Variants in TMEM74 observed in about 807,000 individuals in gnomAD.
The protein encoded by TMEM74 is transmembrane protein 74.
TMEM74 carries 13 observed loss-of-function variants against 18.1 expected under a neutral mutation model. The ratio of observed to expected loss-of-function variants is 0.72; its 90% CI spans 0.47 to 1.14. The LOEUF is 1.14. Among genes scored for constraint, TMEM74 ranks in the 50% most tolerant of loss-of-function variants. The probability of loss-of-function intolerance (pLI) is 0.00; values close to 1 mark genes in which losing one functional copy is unlikely to be tolerated. For missense variants in TMEM74, 372 were observed against 375.9 expected (o/e 0.99, Z 0.09); for synonymous variants, 159 against 146.6 (o/e 1.08, Z -0.61).
In TMEM74 at chr8:108,623,951, T is replaced by G. The variant is rs74640016; in HGVS notation, n.265-15125A>C. Among the ~76,000 whole-genome samples, 137 of 152,204 alleles carry G rather than the reference T, an allele frequency of 9.0e-4. 1 individual carries two copies. The East Asian group carries it at 0.024, about 27-fold the overall frequency. On this transcript the variant is annotated intron_variant and non_coding_transcript_variant, in intron 2 of 3. Coordinates refer to the TMEM74 transcript ENST00000518838. ...CTATAGTGGTGACTTTGAGAAACTGTGTCTAATCTTATTCTTATCTGAAAA... is the reference window on the plus strand; with the variant it reads ...CTATAGTGGTGACTTTGAGAAACTGGGTCTAATCTTATTCTTATCTGAAAA...
chr8:108,730,429 A>G (rs912693122), intron 1 of TMEM74, among the ~76,000 whole-genome samples: 3 of 152,248 alleles, frequency 2.0e-5, no homozygotes, highest in Non-Finnish European at 4.4e-5. Context: ...TCGTCGACAC[A>G]ATCAAGACAA....
chr8:108,700,213 C>G (rs759063593), intron 1 of TMEM74, among the ~76,000 whole-genome samples: 5 of 150,774 alleles, frequency 3.3e-5, no homozygotes, highest in Non-Finnish European at 5.9e-5. Context: ...ACTGGACAGT[C>G]CCTAAAGGAA....
intron 1 of TMEM74, among the ~76,000 whole-genome samples, chr8:108,723,823 G>T (rs13439703): frequency 0.03 from 4,525 of 152,254 alleles, 154 homozygotes; most frequent in African/African-American, 0.082. Flanking sequence ...GCAAGAAAAA[G>T]ATGATGTAGT....
intron 1 of TMEM74, among the ~76,000 whole-genome samples, chr8:108,707,740 T>G (rs1250237311): frequency 6.6e-6 from 1 of 152,136 alleles, no homozygotes; most frequent in East Asian, 1.9e-4. Context: ...TCTAAAAATC[T>G]TAGAAGGAAA....
At position 108,739,863 on chromosome 8, in the gene TMEM74, C is replaced by T. The variant is rs758078727; in HGVS notation, n.119+47613G>A. ...AGGTCATGGGGGCAACGAAGTCCGG[C>T]GGAGTCAAAGGATTGAGAAAAAGAC... On this transcript the variant is annotated intron_variant and non_coding_transcript_variant, in intron 1 of 3. Transcript: ENST00000518838. Among the ~76,000 whole-genome samples the T allele has an allele frequency of 7.9e-5, 12 of 151,892 alleles. No homozygotes were observed. In the East Asian group the frequency reaches 9.7e-4, roughly 12 times the overall value.
chr8:108,676,745 C>T (rs1813059769), intron 1 of TMEM74, among the ~76,000 whole-genome samples: 2 of 152,068 alleles, frequency 1.3e-5, no homozygotes, highest in Non-Finnish European at 2.9e-5. Flanking sequence ...TTTCATTGAC[C>T]TATCTCAACG....
chr8:108,702,337 T>C, intron 1 of TMEM74, among the ~76,000 whole-genome samples: 1 of 105,512 alleles, frequency 9.5e-6, no homozygotes, highest in African/African-American at 4.0e-5. Flanking sequence ...GGTGTGAGAC[T>C]CCATCTAAAA....
At chr8:108,612,487 C>T (rs1255365420) in intron 2 of TMEM74, among the ~76,000 whole-genome samples, 4 of 152,112 alleles carry the variant, frequency 2.6e-5, no homozygotes. Flanking sequence ...TGTAGCTAAC[C>T]AATGTCAGAT....
At chr8:108,705,548 T>G (rs952288316) in intron 1 of TMEM74, among the ~76,000 whole-genome samples, 2 of 152,160 alleles carry the variant, frequency 1.3e-5, no homozygotes, top group Admixed American at 1.3e-4. Flanking sequence ...CTAGGCTTGA[T>G]GAACAGAATG....
At chr8:108,714,166 C>G (rs1813500581) in intron 1 of TMEM74, among the ~76,000 whole-genome samples, 1 of 152,090 alleles carries the variant, frequency 6.6e-6, no homozygotes, top group Non-Finnish European at 1.5e-5. Flanking sequence ...TAATTCTTTA[C>G]CAGGCTTCTA....
At chr8:108,722,657 T>C (rs1490030841) in intron 1 of TMEM74, among the ~76,000 whole-genome samples, 1 of 152,180 alleles carries the variant, frequency 6.6e-6, no homozygotes, top group African/African-American at 2.4e-5. Context: ...TAAAGTAAGT[T>C]AAAATGCCTG....
intron 1 of TMEM74, among the ~76,000 whole-genome samples, chr8:108,759,507 A>C (rs1814015897): frequency 1.3e-5 from 2 of 152,102 alleles, no homozygotes; most frequent in South Asian, 4.1e-4. Flanking sequence ...GGACTGATTA[A>C]ATAATGATAT....
chr8:108,645,763 A>T (rs1909024), intron 2 of TMEM74, among the ~76,000 whole-genome samples: 28,435 of 151,976 alleles, frequency 0.19, 2,719 homozygotes, highest in East Asian at 0.27. Context: ...GGAAATGGAC[A>T]TTCAGACATT....
chr8:108,785,237 C>A, intron 1 of TMEM74, 100 bp from the exon 2 acceptor site: 1 of 839,308 alleles, frequency 1.2e-6, no homozygotes, highest in South Asian at 1.9e-5. Context: ...ACAGCTGCAC[C>A]TGTTTAGCCC....
chr8:108,752,643 T>G (rs1425828516), intron 1 of TMEM74, among the ~76,000 whole-genome samples: 1 of 152,124 alleles, frequency 6.6e-6, no homozygotes, highest in Non-Finnish European at 1.5e-5. Context: ...AACTTCAAAC[T>G]GATTTTTCTC....
At chr8:108,663,749 T>C (rs1298485662) in intron 1 of TMEM74, among the ~76,000 whole-genome samples, 2 of 152,102 alleles carry the variant, frequency 1.3e-5, no homozygotes, top group Non-Finnish European at 2.9e-5. Flanking sequence ...TAAAATGTGG[T>C]ACATATACAA....
chr8:108,776,765 A>ATGATG (rs1554578526), downstream of TMEM74, among the ~76,000 whole-genome samples: 28 of 150,984 alleles, frequency 1.9e-4, no homozygotes, highest in African/African-American at 6.6e-4. Flanking sequence ...GATGATGATG[A>ATGATG]AGGAAGGGAG....
At chr8:108,696,957 G>A (rs866333782) in intron 1 of TMEM74, among the ~76,000 whole-genome samples, 3 of 152,142 alleles carry the variant, frequency 2.0e-5, no homozygotes, top group Admixed American at 6.5e-5. Context: ...AGATTTCTGC[G>A]GCTAGTCCAG....
intron 1 of TMEM74, among the ~76,000 whole-genome samples, chr8:108,682,043 T>G (rs1399382149): frequency 6.6e-6 from 1 of 152,168 alleles, no homozygotes; most frequent in East Asian, 1.9e-4. Context: ...TTTTTTTGTT[T>G]ATTCAATTGT....
Sources: gnomAD v4.1 joint callset for allele counts (sites outside exome capture counted in the v4.1 genomes callset) on GRCh38, gnomAD v4.1.1 for gene constraint, MANE v1.5 for transcripts, NCBI Gene and HGNC (gene_info 2026-07-23, HGNC 2026-07-21) for gene names.